SH3D19: variants seen among roughly 807,000 people sequenced by gnomAD.
SH3D19 encodes the protein SH3 domain containing 19, also known as SH3 domain-containing protein 19.
Under a neutral mutation model 112.1 loss-of-function variants are expected in SH3D19, and 58 were observed. That is an observed-to-expected ratio of 0.52 (90% CI 0.42 to 0.64). SH3D19 has a LOEUF of 0.64. Ranked by LOEUF, SH3D19 falls within the 30% of genes least tolerant of loss-of-function variation. SH3D19 has a pLI of 0.00. For missense variants in SH3D19, 1,090 were observed against 1,263.4 expected (o/e 0.86, Z 2.08); for synonymous variants, 391 against 448.5 (o/e 0.87, Z 1.62).
At chr4:151,180,352 G>A (rs1760651000) in intron 3 of SH3D19, among the ~76,000 whole-genome samples, 1 of 151,112 alleles carries the variant, frequency 6.6e-6, no homozygotes, top group Admixed American at 6.6e-5. Context: ...ATTTTATAAA[G>A]TAAACTAAGT....
chr4:151,150,210 T>A (rs371855990), intron 9 of SH3D19, among the ~76,000 whole-genome samples: 2,923 of 28,518 alleles, frequency 0.1, 116 homozygotes, highest in Non-Finnish European at 0.13. Flanking sequence ...AAAAAAAATA[T>A]ATATATATAT....
intron 1 of SH3D19, among the ~76,000 whole-genome samples, chr4:151,251,826 C>T (rs1412889890): frequency 1.3e-5 from 2 of 152,152 alleles, no homozygotes; most frequent in South Asian, 2.1e-4. Context: ...TTTCAGCTGC[C>T]CCGCAGTCAC....
chr4:151,233,824 T>C (rs1769800474), intron 1 of SH3D19, among the ~76,000 whole-genome samples: 1 of 152,200 alleles, frequency 6.6e-6, no homozygotes, highest in African/African-American at 2.4e-5. Flanking sequence ...CACTGCTGTT[T>C]ATAAGGTTTT....
chr4:151,252,234 G>A (rs1317202911), intron 1 of SH3D19, among the ~76,000 whole-genome samples: 1 of 152,116 alleles, frequency 6.6e-6, no homozygotes, highest in Non-Finnish European at 1.5e-5. Flanking sequence ...AAAACAACAA[G>A]AACAAAAGAC....
At chr4:151,203,211 C>A (rs991977067) in intron 2 of SH3D19, among the ~76,000 whole-genome samples, 3 of 152,178 alleles carry the variant, frequency 2.0e-5, no homozygotes, top group Non-Finnish European at 2.9e-5. Context: ...ATCGGTGCCA[C>A]TGACCCCATC....
chr4:151,121,830 G>A lies in SH3D19; in HGVS notation c.*261C>T. 3.5e-6 allele frequency: 1 copy of A among 288,586 alleles called. No individual in the cohort carries two copies. 17.9% of individuals were successfully genotyped at this position (288,586 alleles called of 1,614,324 possible). ...TCCCCATGCTGCCATGCCACCAGATGCTTTCCCTTCACCTTGCTAATCCCA... is the reference window on the plus strand; with the variant it reads ...TCCCCATGCTGCCATGCCACCAGATACTTTCCCTTCACCTTGCTAATCCCA... On this transcript the variant is annotated 3_prime_UTR_variant, in exon 20 of 20. Transcript: ENST00000604030.
At position 151,132,322 on chromosome 4, in the gene SH3D19, G is replaced by A. The variant is rs770419178; in HGVS notation, c.2742+9C>T. ...GCTGTCACTATAGTCATCTGTTCAA[G>A]CAGCCTACCTGAGAGTTTGAGCCAG... On this transcript the variant is annotated intron_variant, in intron 17 of 19. Coordinates refer to ENST00000604030, the MANE Select transcript of SH3D19 (RefSeq NM_001378122.1). The A allele has an allele frequency of 7.4e-6, 12 of 1,613,388 alleles. No homozygotes were observed. Among genetic ancestry groups the A allele is most frequent in the African/African-American group, 1.3e-5 (1 of 74,892 alleles).
At chr4:151,143,517 A>G (rs1424601772) in intron 12 of SH3D19, among the ~76,000 whole-genome samples, 1 of 152,146 alleles carries the variant, frequency 6.6e-6, no homozygotes, top group Non-Finnish European at 1.5e-5. Flanking sequence ...CAAAAGATAA[A>G]CTGCCTTCTA....
At chr4:151,193,382 C>T (rs1003738970) in intron 2 of SH3D19, among the ~76,000 whole-genome samples, 7 of 151,846 alleles carry the variant, frequency 4.6e-5, no homozygotes, top group African/African-American at 9.7e-5. Context: ...AGAGATGGTA[C>T]GGTAGACTTC....
chr4:151,226,561 A>C, intron 1 of SH3D19: 1 of 684,852 alleles, frequency 1.5e-6, no homozygotes, highest in Non-Finnish European at 1.8e-6. Flanking sequence ...TTCACCCTTA[A>C]CTATCTACCA....
intron 4 of SH3D19, among the ~76,000 whole-genome samples, chr4:151,177,300 A>C (rs962786727): frequency 6.6e-6 from 1 of 152,206 alleles, no homozygotes; most frequent in African/African-American, 2.4e-5. Context: ...ATACAGTGTA[A>C]GGTATAAAAG....
At chr4:151,124,855 C>T (rs1748851298) in intron 19 of SH3D19, among the ~76,000 whole-genome samples, 2 of 152,112 alleles carry the variant, frequency 1.3e-5, no homozygotes, top group Non-Finnish European at 2.9e-5. Flanking sequence ...TATGGACAAC[C>T]ATTTGTAAAA....
At chr4:151,223,502 T>C (rs1359272859) in intron 2 of SH3D19, among the ~76,000 whole-genome samples, 1 of 152,176 alleles carries the variant, frequency 6.6e-6, no homozygotes, top group Non-Finnish European at 1.5e-5. Context: ...AGGATCATCT[T>C]GTATTTTCCC....
intron 1 of SH3D19, among the ~76,000 whole-genome samples, chr4:151,247,575 TAC>T (rs886597708): frequency 3.9e-5 from 6 of 152,236 alleles, no homozygotes; most frequent in African/African-American, 1.2e-4. Flanking sequence ...TTAGTAAATT[TAC>T]AGAGTTGTGC....
rs1404275459 is a variant in SH3D19, at chr4:151,260,513, A to T, written c.113-34427T>A. Among the ~76,000 whole-genome samples, 11 of 152,338 alleles carry T rather than the reference A, an allele frequency of 7.2e-5. No individual in the cohort carries two copies. The South Asian group carries it at 1.7e-3, about 23-fold the overall frequency. Reference sequence around the variant, plus strand: ...TACCATTCTTGTCAGTTTTACTTCCAAAATATACTTTGACTCTAACATAGC... The same window carrying T: ...TACCATTCTTGTCAGTTTTACTTCCTAAATATACTTTGACTCTAACATAGC... On this transcript the variant is annotated intron_variant, in intron 1 of 19. Transcript: ENST00000604030.
chr4:151,294,284 T>C (rs899180894), intron 1 of SH3D19, among the ~76,000 whole-genome samples: 1 of 152,218 alleles, frequency 6.6e-6, no homozygotes, highest in Non-Finnish European at 1.5e-5. Flanking sequence ...CCTGACACAA[T>C]GTTTCGCACA....
chr4:151,233,700 C>T (rs373605456), intron 1 of SH3D19, among the ~76,000 whole-genome samples: 15 of 152,302 alleles, frequency 9.8e-5, no homozygotes, highest in South Asian at 4.1e-4. Flanking sequence ...CCAGGGATTA[C>T]GATGTGGACA....
intron 2 of SH3D19, among the ~76,000 whole-genome samples, chr4:151,208,432 G>A (rs557963916): frequency 1.3e-5 from 2 of 152,248 alleles, no homozygotes; most frequent in South Asian, 4.1e-4. Flanking sequence ...GTGCAAAGGT[G>A]CAATCTTGGC....
At chr4:151,270,363 C>T (rs1047599196) in intron 1 of SH3D19, among the ~76,000 whole-genome samples, 2 of 152,068 alleles carry the variant, frequency 1.3e-5, no homozygotes, top group African/African-American at 2.4e-5. Flanking sequence ...TGGCACCTCC[C>T]CACTCTCTCT....
Sources: gnomAD v4.1 joint callset for allele counts (sites outside exome capture counted in the v4.1 genomes callset) on GRCh38, gnomAD v4.1.1 for gene constraint, MANE v1.5 for transcripts, NCBI Gene and HGNC (gene_info 2026-07-23, HGNC 2026-07-21) for gene names.